Variants in EPHA6 observed in about 807,000 individuals in gnomAD.
The protein encoded by EPHA6 is ephrin type-A receptor 6.
Under a neutral mutation model 112.0 loss-of-function variants are expected in EPHA6, and 50 were observed. The observed-to-expected ratio is 0.45, with a 90% CI of 0.36 to 0.56. The LOEUF is 0.56. EPHA6 is among the 20% of genes least tolerant of loss of function. The pLI is 0.00. For missense variants in EPHA6, 1,280 were observed against 1,417.4 expected (o/e 0.90, Z 1.56); for synonymous variants, 529 against 490.7 (o/e 1.08, Z -1.03).
intron 2 of EPHA6, among the ~76,000 whole-genome samples, chr3:96,963,021 G>A (rs996377584): frequency 2.6e-5 from 4 of 151,988 alleles, no homozygotes; most frequent in Admixed American, 2.0e-4. Context: ...GGGCATAGTG[G>A]CATGTGCCTG....
chr3:96,968,968 A>G (rs1489315921), intron 2 of EPHA6, among the ~76,000 whole-genome samples: 1 of 151,942 alleles, frequency 6.6e-6, no homozygotes, highest in Non-Finnish European at 1.5e-5. Flanking sequence ...GTTCTTTATA[A>G]GCAGTTTTAC....
chr3:97,064,084 G>C (rs2046107283), intron 3 of EPHA6, among the ~76,000 whole-genome samples: 1 of 152,132 alleles, frequency 6.6e-6, no homozygotes. Context: ...TCTGGATCCA[G>C]CATCTTATAA....
At chr3:97,669,043 T>C (rs1442460966) in intron 14 of EPHA6, among the ~76,000 whole-genome samples, 1 of 149,668 alleles carries the variant, frequency 6.7e-6, no homozygotes, top group Non-Finnish European at 1.5e-5. Context: ...AATAGCCAAC[T>C]CAGTTGTATC....
intron 1 of EPHA6, among the ~76,000 whole-genome samples, chr3:96,830,640 GTAAATA>G (rs1442054076): frequency 6.6e-6 from 1 of 151,938 alleles, no homozygotes; most frequent in Non-Finnish European, 1.5e-5. Context: ...ATATTAAAAT[GTAAATA>G]TATTACATTT....
intron 2 of EPHA6, among the ~76,000 whole-genome samples, chr3:96,973,729 G>A (rs1442726753): frequency 6.6e-6 from 1 of 150,768 alleles, no homozygotes; most frequent in Non-Finnish European, 1.5e-5. Flanking sequence ...GGGAGGCTGA[G>A]GCAGGGAAAT....
chr3:97,113,285 T>A (rs993088713), intron 3 of EPHA6, among the ~76,000 whole-genome samples: 1 of 152,110 alleles, frequency 6.6e-6, no homozygotes, highest in Non-Finnish European at 1.5e-5. Flanking sequence ...TGGGAAATCC[T>A]CTAGTGAATA....
At chr3:97,704,664 G>T (rs2033583623) in intron 14 of EPHA6, among the ~76,000 whole-genome samples, 1 of 151,972 alleles carries the variant, frequency 6.6e-6, no homozygotes, top group Admixed American at 6.6e-5. Flanking sequence ...GAATGTAAAT[G>T]GTGCTTCTAT....
chr3:97,535,065 C>T (rs1479099039), intron 11 of EPHA6, among the ~76,000 whole-genome samples: 1 of 151,742 alleles, frequency 6.6e-6, no homozygotes, highest in East Asian at 1.9e-4. Flanking sequence ...CACACACACA[C>T]ACGAAAAGGA....
At chr3:97,038,077 A>G (rs1244387405) in intron 3 of EPHA6, among the ~76,000 whole-genome samples, 1 of 152,036 alleles carries the variant, frequency 6.6e-6, no homozygotes, top group Non-Finnish European at 1.5e-5. Context: ...ATATGTTTAT[A>G]CATTCATATA....
chr3:96,873,787 T>G (rs1171309891), intron 2 of EPHA6, among the ~76,000 whole-genome samples: 2 of 152,146 alleles, frequency 1.3e-5, no homozygotes, highest in East Asian at 1.9e-4. Flanking sequence ...TCTGTATGTC[T>G]TGACTTCATA....
At chr3:97,176,586 A>G (rs1215755124) in intron 3 of EPHA6, among the ~76,000 whole-genome samples, 2 of 151,376 alleles carry the variant, frequency 1.3e-5, no homozygotes, top group African/African-American at 2.4e-5. Flanking sequence ...TTATTGGTTT[A>G]TTGAGGTTTT....
At chr3:97,334,373 T>A (rs1219786493) in intron 5 of EPHA6, among the ~76,000 whole-genome samples, 1 of 152,080 alleles carries the variant, frequency 6.6e-6, no homozygotes, top group Non-Finnish European at 1.5e-5. Flanking sequence ...AAACTTGTTC[T>A]TACCTAGTTG....
chr3:97,579,692 G>C (rs995344176), intron 11 of EPHA6, among the ~76,000 whole-genome samples: 18 of 152,148 alleles, frequency 1.2e-4, no homozygotes, highest in Middle Eastern at 6.3e-3. Context: ...AAGGGTAAAC[G>C]AGAAAGTTAT....
At chr3:97,226,235 T>TA in intron 3 of EPHA6, 29 bp from the exon 4 acceptor site, 4 of 1,572,912 alleles carry the variant, frequency 2.5e-6, no homozygotes, top group Non-Finnish European at 3.4e-6. Context: ...CAATAATAAC[T>TA]AAAAAAGTGT....
chr3:97,529,458 G>A (rs2092670636), intron 10 of EPHA6, among the ~76,000 whole-genome samples: 1 of 152,000 alleles, frequency 6.6e-6, no homozygotes, highest in African/African-American at 2.4e-5. Context: ...AATTAATACA[G>A]TATTCCTATA....
intron 3 of EPHA6, among the ~76,000 whole-genome samples, chr3:96,997,239 T>C (rs1386363823): frequency 6.6e-6 from 1 of 152,076 alleles, no homozygotes; most frequent in Non-Finnish European, 1.5e-5. Flanking sequence ...CTAAAACTCC[T>C]TCTCAACAAT....
intron 12 of EPHA6, chr3:97,606,055 T>C (rs1373224477): frequency 1.3e-5 from 2 of 151,422 alleles, no homozygotes; most frequent in Non-Finnish European, 3.0e-5. Flanking sequence ...ATGAACTTAA[T>C]TACCAAGCAA....
chr3:97,426,264 G>A (rs1045925279), intron 6 of EPHA6, among the ~76,000 whole-genome samples: 1 of 152,198 alleles, frequency 6.6e-6, no homozygotes, highest in African/African-American at 2.4e-5. Flanking sequence ...TAGCTGGGGA[G>A]GCCTCACAAT....
At chr3:97,352,518 A>C (rs2083863996) in intron 5 of EPHA6, among the ~76,000 whole-genome samples, 1 of 152,140 alleles carries the variant, frequency 6.6e-6, no homozygotes, top group Non-Finnish European at 1.5e-5. Context: ...TGGGCTTTGC[A>C]TTGGAACTCA....
Sources: allele counts gnomAD v4.1 joint callset (sites outside exome capture counted in the v4.1 genomes callset), GRCh38; gene constraint gnomAD v4.1.1; transcripts MANE v1.5; gene names NCBI Gene and HGNC (gene_info 2026-07-23, HGNC 2026-07-21).